Variants in TAFA5 observed in about 807,000 individuals in gnomAD.
TAFA5 encodes the protein chemokine-like protein TAFA-5.
TAFA5 carries 6 observed loss-of-function variants against 15.3 expected under a neutral mutation model. The ratio of observed to expected loss-of-function variants is 0.39; its 90% CI spans 0.21 to 0.77. The LOEUF (loss-of-function observed/expected upper bound fraction) is 0.77, where lower values mean the gene tolerates loss of function less well. Ranked by LOEUF, TAFA5 falls within the 30% of genes least tolerant of loss-of-function variation. TAFA5 has a pLI of 0.41. For missense variants in TAFA5, 161 were observed against 193.1 expected (o/e 0.83, Z 0.98); for synonymous variants, 103 against 80.7 (o/e 1.28, Z -1.48).
chr22:48,568,680 G>A (rs1923484353), intron 1 of TAFA5, among the ~76,000 whole-genome samples: 1 of 152,236 alleles, frequency 6.6e-6, no homozygotes, highest in African/African-American at 2.4e-5. Context: ...GGGGCACAGG[G>A]AGACTAATGA....
At chr22:48,690,242 C>T (rs534331706) in intron 2 of TAFA5, among the ~76,000 whole-genome samples, 5 of 152,292 alleles carry the variant, frequency 3.3e-5, no homozygotes, top group African/African-American at 1.2e-4. Context: ...TCCTTGTGTT[C>T]ACACAATGAC....
intron 1 of TAFA5, among the ~76,000 whole-genome samples, chr22:48,625,687 T>C (rs754573610): frequency 1.6e-4 from 24 of 152,234 alleles, no homozygotes; most frequent in Non-Finnish European, 3.1e-4. Flanking sequence ...CTGCCTGGAA[T>C]GCCCAACCTA....
intron 2 of TAFA5, among the ~76,000 whole-genome samples, chr22:48,705,773 A>G (rs1056732012): frequency 3.0e-4 from 46 of 152,246 alleles, no homozygotes; most frequent in African/African-American, 1.1e-3. Context: ...GGAGGACGGT[A>G]TGTTAGCACA....
At chr22:48,737,240 C>G (rs1930055280) in intron 3 of TAFA5, among the ~76,000 whole-genome samples, 1 of 152,212 alleles carries the variant, frequency 6.6e-6, no homozygotes, top group African/African-American at 2.4e-5. Context: ...AACGTGGACA[C>G]AGGACAAAGA....
intron 2 of TAFA5, among the ~76,000 whole-genome samples, chr22:48,703,198 G>A (rs371763152): frequency 4.6e-5 from 7 of 152,088 alleles, no homozygotes; most frequent in African/African-American, 1.4e-4. Context: ...GGTGTGTGGT[G>A]TATACATGTG....
Position 48,560,031 on chromosome 22 carries a change from T to G in TAFA5, c.112+70327T>G, listed in dbSNP as rs551705317. ...GGCAGGAGTGACTGCAGGGTCTTCTTTCTATGCACACGCCGGCCATCCTCC... is the reference window on the plus strand; with the variant it reads ...GGCAGGAGTGACTGCAGGGTCTTCTGTCTATGCACACGCCGGCCATCCTCC... On this transcript the variant is annotated intron_variant, in intron 1 of 3. Coordinates refer to ENST00000402357, the MANE Select transcript of TAFA5 (RefSeq NM_001082967.3). The surrounding 1 kb of genome is among the most constrained non-coding windows in gnomAD (Gnocchi z 4.2). Among the ~76,000 whole-genome samples the G allele has an allele frequency of 3.5e-3, 532 of 152,238 alleles. 5 individuals carry two copies. Among genetic ancestry groups the G allele is most frequent in the Non-Finnish European group, 4.7e-3 (318 of 68,002 alleles).
intron 2 of TAFA5, among the ~76,000 whole-genome samples, chr22:48,691,933 T>G (rs916825422): frequency 1.3e-5 from 2 of 152,094 alleles, no homozygotes; most frequent in African/African-American, 4.8e-5. Context: ...CCCCCTTGGA[T>G]GGACTGAGCT....
intron 1 of TAFA5, among the ~76,000 whole-genome samples, chr22:48,609,913 T>G (rs1925336781): frequency 6.6e-6 from 1 of 152,104 alleles, no homozygotes; most frequent in Admixed American, 6.5e-5. Context: ...TGTCCTAACC[T>G]CCTCTTGTAG....
At chr22:48,572,897 A>G (rs1378781868) in intron 1 of TAFA5, among the ~76,000 whole-genome samples, 2 of 152,242 alleles carry the variant, frequency 1.3e-5, no homozygotes, top group Non-Finnish European at 2.9e-5. Context: ...TGTTGGTGAC[A>G]AAGTCATAGT....
chr22:48,732,203 C>T (rs530661919), intron 3 of TAFA5, among the ~76,000 whole-genome samples: 12 of 152,240 alleles, frequency 7.9e-5, no homozygotes, highest in Non-Finnish European at 1.3e-4. Flanking sequence ...AGAACTTGAA[C>T]GGATGGGGAG....
At chr22:48,541,679 G>A (rs947613591) in intron 1 of TAFA5, among the ~76,000 whole-genome samples, 4 of 152,156 alleles carry the variant, frequency 2.6e-5, no homozygotes, top group African/African-American at 9.7e-5. Flanking sequence ...AGGACTCAGT[G>A]CACCTGGCCA....
chr22:48,632,901 C>T (rs937639973), intron 1 of TAFA5, among the ~76,000 whole-genome samples: 2 of 152,190 alleles, frequency 1.3e-5, no homozygotes, highest in African/African-American at 2.4e-5. Flanking sequence ...TAGACTACAA[C>T]ACTAGAGACC....
chr22:48,657,604 G>A (rs1410006508), intron 2 of TAFA5, among the ~76,000 whole-genome samples: 1 of 152,226 alleles, frequency 6.6e-6, no homozygotes, highest in Non-Finnish European at 1.5e-5. Flanking sequence ...GGACATAGAT[G>A]TCACTTTGGG....
In TAFA5 at chr22:48,490,661, G is replaced by A. The variant is rs1928117520; in HGVS notation, c.112+957G>A. Among the ~76,000 whole-genome samples the A allele has an allele frequency of 6.6e-6, 1 of 151,892 alleles. No homozygotes were observed. The highest frequency in any genetic ancestry group is 6.5e-5 in the Admixed American group (1 of 15,270). On this transcript the variant is annotated intron_variant, in intron 1 of 3. Coordinates refer to ENST00000402357, the MANE Select transcript of TAFA5 (RefSeq NM_001082967.3). This position sits in a 1 kb window ranked among gnomAD's most constrained non-coding sequence, Gnocchi z 5.8. ...AGATGGCGCGGGCTGGTCGGCTTCA[G>A]CTCCGGGAGCTCCGGGCTTCTTGTC... is the stretch of plus-strand genomic sequence containing the variant.
Position 48,489,569 on chromosome 22 carries a change from C to G in TAFA5, c.-24C>G, listed in dbSNP as rs747531380. ...CCGGCTGCTGAGACGCGCTGCTGCC[C>G]CCCGCGCGGGCGCCGCGGCTTCAAT... On this transcript the variant is annotated 5_prime_UTR_variant, in exon 1 of 4. Transcript: ENST00000402357. The surrounding 1 kb of genome is among the most constrained non-coding windows in gnomAD (Gnocchi z 5.5). 28 of 1,388,096 alleles carry G rather than the reference C, an allele frequency of 2.0e-5. No individual in the cohort carries two copies. The highest frequency in any genetic ancestry group is 2.7e-5 in the Non-Finnish European group (28 of 1,048,678). The allele number at this position is 1,388,096 out of a possible 1,614,324, so 86.0% of individuals were successfully genotyped here.
At chr22:48,732,450 G>T (rs964499207) in intron 3 of TAFA5, among the ~76,000 whole-genome samples, 5 of 152,034 alleles carry the variant, frequency 3.3e-5, no homozygotes, top group Non-Finnish European at 7.4e-5. Context: ...TAGAGACGGG[G>T]TTTCACCGTG....
chr22:48,596,829 G>A (rs1408601027), intron 1 of TAFA5, among the ~76,000 whole-genome samples: 2 of 151,984 alleles, frequency 1.3e-5, no homozygotes, highest in African/African-American at 2.4e-5. Context: ...TTGTTTTTGA[G>A]ACAGGGTCTC....
intron 1 of TAFA5, among the ~76,000 whole-genome samples, chr22:48,542,497 T>C (rs1253339285): frequency 5.1e-5 from 6 of 117,732 alleles, no homozygotes; most frequent in African/African-American, 2.0e-4. Flanking sequence ...GTGTGGTGTG[T>C]GTGCGTGTGT....
intron 1 of TAFA5, among the ~76,000 whole-genome samples, chr22:48,596,365 A>G (rs1190496255): frequency 6.6e-6 from 1 of 152,194 alleles, no homozygotes; most frequent in South Asian, 2.1e-4. Flanking sequence ...GCTAAGGGAC[A>G]CCAGCCCCCT....
Sources: gnomAD v4.1 joint callset for allele counts (sites outside exome capture counted in the v4.1 genomes callset) on GRCh38, gnomAD v4.1.1 for gene constraint, Gnocchi (gnomAD v3.1) non-coding constraint, MANE v1.5 for transcripts, NCBI Gene and HGNC (gene_info 2026-07-23, HGNC 2026-07-21) for gene names.